Variants in SIL1 observed in about 807,000 individuals in gnomAD.
The protein encoded by SIL1 is nucleotide exchange factor SIL1.
Under a neutral mutation model 49.1 loss-of-function variants are expected in SIL1, and 40 were observed. The observed-to-expected ratio is 0.81, with a 90% CI of 0.63 to 1.06. The LOEUF (loss-of-function observed/expected upper bound fraction) is 1.06. Among genes scored for constraint, SIL1 ranks in the 50% least tolerant of loss-of-function variants. The pLI is 0.00. For synonymous variants in SIL1, 253 were observed against 250.8 expected (o/e 1.01, Z -0.08); for missense variants, 500 against 572.6 (o/e 0.87, Z 1.29).
chr5:139,040,669 T>G (rs1769028524), intron 5 of SIL1, among the ~76,000 whole-genome samples: 2 of 151,750 alleles, frequency 1.3e-5, no homozygotes, highest in Admixed American at 1.3e-4. Flanking sequence ...CGGCTAATTT[T>G]TGCATTTTCA....
chr5:138,979,448 C>G (rs1305736459), intron 7 of SIL1, among the ~76,000 whole-genome samples: 1 of 152,182 alleles, frequency 6.6e-6, no homozygotes, highest in African/African-American at 2.4e-5. Context: ...GTCTTGTTCA[C>G]CACCACATCC....
chr5:139,052,928 C>G (rs1459375475), intron 3 of SIL1, among the ~76,000 whole-genome samples: 2 of 152,108 alleles, frequency 1.3e-5, no homozygotes, highest in Non-Finnish European at 2.9e-5. Context: ...CACCAGGAAG[C>G]CTGGGTTCAT....
At chr5:139,132,581 G>A (rs1750886381) in intron 1 of SIL1, among the ~76,000 whole-genome samples, 2 of 152,184 alleles carry the variant, frequency 1.3e-5, no homozygotes, top group Admixed American at 1.3e-4. Flanking sequence ...TGGGGAGATT[G>A]AGAGGACTGA....
chr5:139,042,653 C>G lies in SIL1; in HGVS notation c.420G>C (p.Glu140Asp). 6.2e-7 allele frequency: 1 copy of G among 1,614,132 alleles called. No homozygotes were observed. Among genetic ancestry groups the G allele is most frequent in the Non-Finnish European group, 8.5e-7 (1 of 1,180,032 alleles). The change falls in exon 5 of 10, where the codon GAG (glutamate) becomes GAC (aspartate). Residue 140 changes from glutamate to aspartate, a missense_variant. Glu to Asp is a conservative substitution (Grantham distance 45). Transcript: ENST00000394817. ...DLKSALAKFK[E>D]GAEMESSKED... ...CCTTTGAACTCTCCATCTCTGCCCC[C>G]TCCTTGAATTTTGCCAGTGCACTCT... is the stretch of plus-strand genomic sequence containing the variant.
chr5:139,150,198 A>G (rs1263908791), intron 1 of SIL1, among the ~76,000 whole-genome samples: 1 of 152,212 alleles, frequency 6.6e-6, no homozygotes, highest in Non-Finnish European at 1.5e-5. Flanking sequence ...ACAGAAAAGC[A>G]GCCTGAGATT....
At chr5:139,152,978 C>T (rs1326454775) in intron 1 of SIL1, among the ~76,000 whole-genome samples, 1 of 152,138 alleles carries the variant, frequency 6.6e-6, no homozygotes, top group African/African-American at 2.4e-5. Context: ...GCCACCACGC[C>T]CGGCTAATTT....
At position 139,062,147 on chromosome 5, in the gene SIL1, C is replaced by A. The variant is rs140755139; in HGVS notation, c.245-11101G>T. 1.3e-3 allele frequency among the ~76,000 whole-genome samples: 193 copies of A among 152,256 alleles called. 1 individual carries two copies. Among genetic ancestry groups the A allele is most frequent in the African/African-American group, 4.3e-3 (178 of 41,558 alleles). On this transcript the variant is annotated intron_variant, in intron 3 of 9. Coordinates refer to ENST00000394817, the MANE Select transcript of SIL1 (RefSeq NM_022464.5). Reference sequence around the variant, plus strand: ...CCTGTCTCCAGGACTTGAACGGAACCAGTAACAAATAACGTGCACAAACCT... The same window carrying A: ...CCTGTCTCCAGGACTTGAACGGAACAAGTAACAAATAACGTGCACAAACCT...
At chr5:139,076,853 G>A (rs540510606) in intron 3 of SIL1, among the ~76,000 whole-genome samples, 4 of 152,160 alleles carry the variant, frequency 2.6e-5, no homozygotes, top group South Asian at 2.1e-4. Flanking sequence ...ATTCTCGGCC[G>A]GGCACAGTGG....
At chr5:139,087,596 G>C (rs1487219709) in intron 3 of SIL1, among the ~76,000 whole-genome samples, 1 of 152,058 alleles carries the variant, frequency 6.6e-6, no homozygotes, top group East Asian at 1.9e-4. Context: ...GGCTCCCTGA[G>C]GTGAAACAAT....
chr5:139,173,976 A>G (rs1247000964), intron 1 of SIL1, among the ~76,000 whole-genome samples: 2 of 151,470 alleles, frequency 1.3e-5, no homozygotes, highest in Non-Finnish European at 2.9e-5. Flanking sequence ...AAAAGAAAAA[A>G]AAAAAAACAG....
intron 3 of SIL1, among the ~76,000 whole-genome samples, chr5:139,093,627 T>C (rs1353335138): frequency 1.3e-5 from 2 of 152,236 alleles, no homozygotes; most frequent in Non-Finnish European, 2.9e-5. Context: ...TTTTAAATCC[T>C]TTCAACTCTG....
intron 1 of SIL1, among the ~76,000 whole-genome samples, chr5:139,172,782 G>A (rs888447373): frequency 2.0e-5 from 3 of 152,194 alleles, no homozygotes; most frequent in African/African-American, 7.2e-5. Flanking sequence ...ATGGCTGCCA[G>A]CTGTTGCGGC....
At chr5:139,136,331 T>C (rs1296572881) in intron 1 of SIL1, among the ~76,000 whole-genome samples, 1 of 152,202 alleles carries the variant, frequency 6.6e-6, no homozygotes, top group African/African-American at 2.4e-5. Context: ...GGCAACCTCA[T>C]ACCTGTTGAA....
At chr5:138,959,508 TC>T (rs772396901) in intron 7 of SIL1, among the ~76,000 whole-genome samples, 3 of 152,202 alleles carry the variant, frequency 2.0e-5, no homozygotes, top group Non-Finnish European at 4.4e-5. Context: ...TACCCTCTGG[TC>T]CTAAGTCTAC....
At chr5:139,033,680 C>T (rs1178074048) in intron 5 of SIL1, among the ~76,000 whole-genome samples, 12 of 151,810 alleles carry the variant, frequency 7.9e-5, no homozygotes, top group African/African-American at 2.7e-4. Flanking sequence ...AATGAGAGAA[C>T]ATACTCTGCC....
rs145260493 is a variant in SIL1, at chr5:139,150,358, C to T, written c.-10-22505G>A. 4.9e-4 allele frequency among the ~76,000 whole-genome samples: 74 copies of T among 152,272 alleles called. 2 individuals are homozygous for T. The highest frequency in any genetic ancestry group is 3.4e-3 in the Middle Eastern group (1 of 294). On this transcript the variant is annotated intron_variant, in intron 1 of 9. Coordinates refer to ENST00000394817, the MANE Select transcript of SIL1 (RefSeq NM_022464.5). ...CAGGACTGCCTAGTTCTACTGCACA[C>T]GCTGGAAACCCAAGAGCTCTCAATC...
At chr5:138,970,604 C>T (rs1767247806) in intron 7 of SIL1, among the ~76,000 whole-genome samples, 1 of 152,164 alleles carries the variant, frequency 6.6e-6, no homozygotes, top group Non-Finnish European at 1.5e-5. Context: ...CCTCTCTCAG[C>T]CTGCACCTCT....
At chr5:139,122,295 C>T (rs1262011488) in intron 2 of SIL1, among the ~76,000 whole-genome samples, 4 of 152,118 alleles carry the variant, frequency 2.6e-5, no homozygotes, top group African/African-American at 9.7e-5. Context: ...TAACTTTCAA[C>T]TAACACCTCA....
At chr5:138,977,148 C>T (rs757907705) in intron 7 of SIL1, among the ~76,000 whole-genome samples, 5 of 152,192 alleles carry the variant, frequency 3.3e-5, no homozygotes, top group Non-Finnish European at 7.3e-5. Flanking sequence ...AAGACAGCCC[C>T]AGCAATTGAA....
Sources: allele counts gnomAD v4.1 joint callset (sites outside exome capture counted in the v4.1 genomes callset), GRCh38; gene constraint gnomAD v4.1.1; transcripts MANE v1.5; gene names NCBI Gene and HGNC (gene_info 2026-07-23, HGNC 2026-07-21).